HERC3: variants seen among roughly 807,000 people sequenced by gnomAD.
HERC3 encodes HECT and RLD domain containing E3 ubiquitin protein ligase 3.
HERC3 carries 58 observed loss-of-function variants against 129.9 expected under a neutral mutation model. The observed-to-expected ratio is 0.45, with a 90% CI of 0.36 to 0.56. The LOEUF (loss-of-function observed/expected upper bound fraction) is 0.56. Among genes scored for constraint, HERC3 ranks in the 20% least tolerant of loss-of-function variants. The pLI, the probability that HERC3 is intolerant of heterozygous loss-of-function variation, is 0.00. For synonymous variants in HERC3, 430 were observed against 451.0 expected (o/e 0.95, Z 0.59); for missense variants, 835 against 1,244.2 (o/e 0.67, Z 4.95).
chr4:88,672,665 T>G (rs913726719), intron 16 of HERC3, among the ~76,000 whole-genome samples: 2 of 152,228 alleles, frequency 1.3e-5, no homozygotes, highest in Non-Finnish European at 2.9e-5. Flanking sequence ...AGTTCCTTAC[T>G]CTGGTCTAAT....
At chr4:88,591,055 A>T (rs569714213), upstream of HERC3, among the ~76,000 whole-genome samples, 1 of 151,804 alleles carries the variant, frequency 6.6e-6, no homozygotes, top group East Asian at 1.9e-4. Context: ...CTACTCGGCT[A>T]ATTTTGGTAT....
chr4:88,649,397 A>G (rs1290260696), intron 3 of HERC3, among the ~76,000 whole-genome samples: 2 of 152,138 alleles, frequency 1.3e-5, no homozygotes, highest in Non-Finnish European at 2.9e-5. Flanking sequence ...GTTGTTTAGC[A>G]TTCTGGGTGT....
chr4:88,546,178 C>A, the HERC3 span, among the ~76,000 whole-genome samples: 2 of 152,152 alleles, frequency 1.3e-5, no homozygotes, highest in Admixed American at 6.5e-5. Flanking sequence ...TAATCCATAT[C>A]ATTCACAGAA....
chr4:88,601,987 C>T (rs1362854450), intron 2 of HERC3, among the ~76,000 whole-genome samples: 1 of 83,846 alleles, frequency 1.2e-5, no homozygotes, highest in Non-Finnish European at 1.8e-5. Context: ...ACCCGGGAGG[C>T]GGAGCTTGCA....
chr4:88,655,485 A>G (rs1244153963), intron 8 of HERC3, among the ~76,000 whole-genome samples, 181 bp downstream of exon 8: 2 of 152,252 alleles, frequency 1.3e-5, no homozygotes, highest in East Asian at 1.9e-4. Context: ...AGGGTTTTAG[A>G]TAAGCAGAGC....
intron 21 of HERC3, among the ~76,000 whole-genome samples, chr4:88,682,428 C>A (rs1320170414): frequency 6.6e-6 from 1 of 151,476 alleles, no homozygotes; most frequent in Non-Finnish European, 1.5e-5. Flanking sequence ...CCCATTAACT[C>A]GTCATTTAAC....
chr4:88,623,312 C>T (rs1257177004), intron 3 of HERC3, among the ~76,000 whole-genome samples: 1 of 152,200 alleles, frequency 6.6e-6, no homozygotes. Context: ...GGCGTTGCCT[C>T]TAGGAAGCTG....
intron 23 of HERC3, chr4:88,697,175 T>G (rs746085875): frequency 6.8e-6 from 10 of 1,466,054 alleles, no homozygotes; most frequent in Middle Eastern, 1.8e-4. Context: ...TTTTTCTTCG[T>G]GGGCTTTCTC....
intron 3 of HERC3, among the ~76,000 whole-genome samples, chr4:88,636,672 A>G (rs1405383639): frequency 6.6e-6 from 1 of 152,228 alleles, no homozygotes; most frequent in African/African-American, 2.4e-5. Flanking sequence ...TCTCCACCCC[A>G]AAACAACAGA....
At chr4:88,537,680 A>G in the HERC3 span, among the ~76,000 whole-genome samples, 9,459 of 152,278 alleles carry the variant, frequency 0.062, 421 homozygotes, top group South Asian at 0.22. Context: ...TCTAAATAGA[A>G]ATTGTTTAGC....
At chr4:88,588,697 A>G (rs1207067059), upstream of HERC3, among the ~76,000 whole-genome samples, 1 of 152,264 alleles carries the variant, frequency 6.6e-6, no homozygotes, top group Non-Finnish European at 1.5e-5. Flanking sequence ...AAGGCAAGTA[A>G]ATTAAACAAA....
At chr4:88,543,402 G>T in the HERC3 span, among the ~76,000 whole-genome samples, 2 of 152,228 alleles carry the variant, frequency 1.3e-5, no homozygotes, top group African/African-American at 4.8e-5. Context: ...TCTTCAAGGA[G>T]AACTACAAAC....
intron 3 of HERC3, among the ~76,000 whole-genome samples, chr4:88,632,880 T>G (rs1470556232): frequency 6.6e-6 from 1 of 152,148 alleles, no homozygotes; most frequent in East Asian, 1.9e-4. Context: ...AACCTACAAA[T>G]TCTAGAAGCC....
the HERC3 span, among the ~76,000 whole-genome samples, chr4:88,566,210 A>C: frequency 2.0e-5 from 3 of 152,104 alleles, no homozygotes; most frequent in African/African-American, 7.2e-5. Context: ...TCCACTTATA[A>C]GTCAGAAAAT....
chr4:88,590,574 A>G (rs1578120481), upstream of HERC3, among the ~76,000 whole-genome samples: 1 of 152,318 alleles, frequency 6.6e-6, no homozygotes, highest in East Asian at 1.9e-4. Flanking sequence ...CAAAAAACAA[A>G]AAAACAACAA....
the HERC3 span, among the ~76,000 whole-genome samples, chr4:88,565,589 C>T: frequency 6.6e-6 from 1 of 152,022 alleles, no homozygotes; most frequent in African/African-American, 2.4e-5. Context: ...TTTTTTTCCA[C>T]CCCTTTATTT....
intron 23 of HERC3, among the ~76,000 whole-genome samples, chr4:88,699,276 G>GACCCAGCTCCA (rs1735064248): frequency 4.7e-5 from 1 of 21,426 alleles, no homozygotes; most frequent in Non-Finnish European, 7.2e-5. Flanking sequence ...CCCCAGCCCC[G>GACCCAGCTCCA]CCTTCTTCTT....
At chr4:88,602,368 C>T (rs1430341314) in intron 2 of HERC3, among the ~76,000 whole-genome samples, 2 of 141,840 alleles carry the variant, frequency 1.4e-5, no homozygotes, top group African/African-American at 5.3e-5. Context: ...CGCCACTGCA[C>T]TCCAGCCTGG....
At chr4:88,603,750 C>T (rs957698735) in intron 2 of HERC3, among the ~76,000 whole-genome samples, 1 of 152,158 alleles carries the variant, frequency 6.6e-6, no homozygotes, top group African/African-American at 2.4e-5. Context: ...TAAAGCTTCC[C>T]CTCTTATGTC....
Sources: allele counts gnomAD v4.1 joint callset (sites outside exome capture counted in the v4.1 genomes callset), GRCh38; gene constraint gnomAD v4.1.1; transcripts MANE v1.5; gene names NCBI Gene and HGNC (gene_info 2026-07-23, HGNC 2026-07-21).